Variants in FILIP1L observed in about 807,000 individuals in gnomAD.
FILIP1L encodes the protein filamin A-interacting protein 1-like.
FILIP1L carries 55 observed loss-of-function variants against 96.6 expected under a neutral mutation model. The ratio of observed to expected loss-of-function variants is 0.57; its 90% confidence interval spans 0.46 to 0.71. The LOEUF (loss-of-function observed/expected upper bound fraction) is 0.71, where lower values mean the gene tolerates loss of function less well. Among genes scored for constraint, FILIP1L ranks in the 30% least tolerant of loss-of-function variants. The probability of loss-of-function intolerance (pLI) is 0.00; values close to 1 mark genes in which losing one functional copy is unlikely to be tolerated. For missense variants in FILIP1L, 1,304 were observed against 1,321.2 expected (o/e 0.99, Z 0.20); for synonymous variants, 467 against 473.9 (o/e 0.99, Z 0.19).
In FILIP1L at chr3:99,924,540, A is replaced by G. The variant is rs1354937664; in HGVS notation, c.427-132T>C. 8 of 938,016 alleles carry G rather than the reference A, an allele frequency of 8.5e-6. No individual in the cohort carries two copies. The East Asian group carries it at 9.8e-5, about 11-fold the overall frequency. 58.1% of individuals were successfully genotyped at this position (938,016 alleles called of 1,614,324 possible). ...TGGTTTTTTGTTTGTTTGTTTTGAA[A>G]CAGTTTTCGCTGTCGTTGCCCAGGC... On this transcript the variant is annotated intron_variant, in intron 3 of 5. Coordinates refer to ENST00000477258, the MANE Select transcript of FILIP1L (RefSeq NM_001387850.1).
At position 100,081,258 on chromosome 3, in the gene FILIP1L, C is replaced by CT. The variant is rs1222702631; in HGVS notation, c.-11+32794dup. 2.0e-5 allele frequency among the ~76,000 whole-genome samples: 3 copies of CT among 152,102 alleles called. No homozygotes were observed. In the East Asian group the frequency reaches 5.8e-4, roughly 29 times the overall value. ...TCAAGAGATAAATCATCTTTTATCT[C>CT]TTTTTTTGTCAGCAATAAAAATGGA... On this transcript the variant is annotated intron_variant, in intron 1 of 5. Coordinates refer to ENST00000477258, the MANE Select transcript of FILIP1L (RefSeq NM_001387850.1).
At chr3:99,834,417 A>G (rs1241624476) in intron 5 of FILIP1L, among the ~76,000 whole-genome samples, 2 of 152,180 alleles carry the variant, frequency 1.3e-5, no homozygotes, top group Non-Finnish European at 2.9e-5. Flanking sequence ...TCACCTCTCA[A>G]TCTCTCTTTC....
At chr3:100,016,826 T>C (rs751957407) in intron 1 of FILIP1L, among the ~76,000 whole-genome samples, 18 of 152,336 alleles carry the variant, frequency 1.2e-4, no homozygotes, top group Admixed American at 5.2e-4. Flanking sequence ...ATAGTGCTTC[T>C]AGGAACAGAT....
intron 4 of FILIP1L, among the ~76,000 whole-genome samples, chr3:99,893,953 G>A (rs923902093): frequency 3.9e-5 from 6 of 152,148 alleles, no homozygotes; most frequent in African/African-American, 1.4e-4. Flanking sequence ...TTGAAGCTGG[G>A]TGTCAAGATA....
intron 4 of FILIP1L, among the ~76,000 whole-genome samples, chr3:99,859,087 T>C (rs1459412354): frequency 6.6e-6 from 1 of 152,256 alleles, no homozygotes; most frequent in Admixed American, 6.5e-5. Flanking sequence ...TCATAAGACA[T>C]TGTGTTTTGT....
At chr3:99,863,829 C>T (rs561284064) in intron 4 of FILIP1L, among the ~76,000 whole-genome samples, 4 of 152,292 alleles carry the variant, frequency 2.6e-5, no homozygotes, top group African/African-American at 9.6e-5. Flanking sequence ...TTTATGAGTA[C>T]ATAAGCAAAC....
At chr3:99,902,379 T>G (rs1706465206) in intron 4 of FILIP1L, among the ~76,000 whole-genome samples, 2 of 152,304 alleles carry the variant, frequency 1.3e-5, no homozygotes, top group African/African-American at 2.4e-5. Context: ...TCATTCTCAT[T>G]TGCTCATGTT....
chr3:100,090,839 C>T (rs1014303890), intron 1 of FILIP1L, among the ~76,000 whole-genome samples: 2 of 152,226 alleles, frequency 1.3e-5, no homozygotes, highest in Admixed American at 1.3e-4. Context: ...TATCTCCTAT[C>T]CTCCCTAGAG....
intron 1 of FILIP1L, among the ~76,000 whole-genome samples, chr3:100,104,277 C>A (rs1202663952): frequency 6.6e-6 from 1 of 152,200 alleles, no homozygotes; most frequent in African/African-American, 2.4e-5. Flanking sequence ...TGGGATGGCT[C>A]ACCCTGACCT....
At chr3:100,048,844 A>G (rs1446373744) in intron 1 of FILIP1L, among the ~76,000 whole-genome samples, 1 of 152,214 alleles carries the variant, frequency 6.6e-6, no homozygotes, top group African/African-American at 2.4e-5. Flanking sequence ...TTAAAAAAAA[A>G]TCTGTTGTGC....
At chr3:100,006,526 T>G (rs1709991384) in intron 1 of FILIP1L, among the ~76,000 whole-genome samples, 1 of 152,152 alleles carries the variant, frequency 6.6e-6, no homozygotes, top group African/African-American at 2.4e-5. Flanking sequence ...AAAGTATTTT[T>G]TCTATATAGT....
chr3:100,100,298 T>TA (rs1174549886), intron 1 of FILIP1L, among the ~76,000 whole-genome samples: 2 of 152,126 alleles, frequency 1.3e-5, no homozygotes, highest in African/African-American at 4.8e-5. Context: ...GTGAAAAGGG[T>TA]AAAATGTAGT....
intron 5 of FILIP1L, among the ~76,000 whole-genome samples, chr3:99,839,571 T>C (rs1943040501): frequency 6.6e-6 from 1 of 152,178 alleles, no homozygotes; most frequent in South Asian, 2.1e-4. Flanking sequence ...CGACTCCATT[T>C]AAAGCCAAGG....
At chr3:100,074,878 G>C (rs2065825079) in intron 1 of FILIP1L, among the ~76,000 whole-genome samples, 1 of 151,286 alleles carries the variant, frequency 6.6e-6, no homozygotes, top group African/African-American at 2.4e-5. Flanking sequence ...CTTTTTAATA[G>C]AGACAGGGTT....
intron 1 of FILIP1L, among the ~76,000 whole-genome samples, chr3:100,065,876 G>A (rs1379943267): frequency 6.6e-6 from 1 of 152,222 alleles, no homozygotes; most frequent in Non-Finnish European, 1.5e-5. Context: ...CTGTAAGGTA[G>A]TGGTGCTCAA....
intron 4 of FILIP1L, among the ~76,000 whole-genome samples, chr3:99,915,750 G>A (rs1421887677): frequency 6.6e-6 from 1 of 152,168 alleles, no homozygotes; most frequent in East Asian, 1.9e-4. Flanking sequence ...CATGCCTTGA[G>A]TATAAGCCCT....
chr3:99,999,829 T>C (rs1709790490), intron 1 of FILIP1L, among the ~76,000 whole-genome samples: 1 of 152,162 alleles, frequency 6.6e-6, no homozygotes, highest in African/African-American at 2.4e-5. Context: ...ATCTGCTAGA[T>C]TTAAAAAAAC....
intron 1 of FILIP1L, among the ~76,000 whole-genome samples, chr3:99,995,361 A>G (rs1415567303): frequency 1.3e-5 from 2 of 152,146 alleles, no homozygotes; most frequent in Admixed American, 1.3e-4. Context: ...GTGGGTTCCC[A>G]TGGTCTTAGG....
rs145084762 is a variant in FILIP1L at position 99,921,192 on chromosome 3, A to G, written c.605+3038T>C. On this transcript the variant is annotated intron_variant, in intron 4 of 5. Coordinates refer to ENST00000477258, the MANE Select transcript of FILIP1L (RefSeq NM_001387850.1). The stretch of plus-strand genomic sequence containing the variant: ...GCACTCAGTGAAGTTGGAAGGACTC[A>G]GTCATGGTGTGTTTTGCCATGTCAC... Among the ~76,000 whole-genome samples, 10 of 152,290 alleles carry G rather than the reference A, an allele frequency of 6.6e-5. No individual in the cohort carries two copies. In the East Asian group the frequency reaches 1.7e-3, roughly 27 times the overall value.
Sources: gnomAD v4.1 joint callset for allele counts (sites outside exome capture counted in the v4.1 genomes callset) on GRCh38, gnomAD v4.1.1 for gene constraint, MANE v1.5 for transcripts, NCBI Gene and HGNC (gene_info 2026-07-23, HGNC 2026-07-21) for gene names.